WWOX: variants seen among roughly 807,000 people sequenced by gnomAD.
The protein encoded by WWOX is WW domain containing oxidoreductase, also known as WW domain-containing oxidoreductase.
In WWOX, 69 loss-of-function variants were observed where a neutral mutation model predicts 46.2. The observed-to-expected ratio is 1.49, with a 90% CI of 1.23 to 1.82. WWOX has a LOEUF of 1.82. Among genes scored for constraint, WWOX ranks in the 40% most tolerant of loss-of-function variants. The pLI is 0.00. For synonymous variants in WWOX, 359 were observed against 202.6 expected (o/e 1.77, Z -6.56); for missense variants, 919 against 542.6 (o/e 1.69, Z -6.89).
chr16:79,155,543 G>T (rs2050364660), intron 8 of WWOX, among the ~76,000 whole-genome samples: 1 of 151,816 alleles, frequency 6.6e-6, no homozygotes, highest in Non-Finnish European at 1.5e-5. Context: ...TAAAAAAACA[G>T]CAGGAAAAAC....
At chr16:78,345,368 C>G (rs1468195271) in intron 5 of WWOX, among the ~76,000 whole-genome samples, 2 of 102,490 alleles carry the variant, frequency 2.0e-5, no homozygotes, top group East Asian at 2.1e-4. Context: ...TACCTTTAAT[C>G]CCAGCACTTT....
intron 4 of WWOX, among the ~76,000 whole-genome samples, chr16:78,130,849 C>T (rs150105331): frequency 6.6e-6 from 1 of 152,366 alleles, no homozygotes; most frequent in East Asian, 1.9e-4. Context: ...ATGCAGTCAG[C>T]TTCACTGAAT....
intron 5 of WWOX, among the ~76,000 whole-genome samples, chr16:78,317,393 G>A (rs987133612): frequency 6.6e-6 from 1 of 152,150 alleles, no homozygotes; most frequent in South Asian, 2.1e-4. Flanking sequence ...ACTGGATACT[G>A]CATCTAGCAG....
intron 8 of WWOX, among the ~76,000 whole-genome samples, chr16:78,642,693 C>T (rs941803864): frequency 3.9e-5 from 6 of 152,070 alleles, no homozygotes; most frequent in African/African-American, 9.7e-5. Context: ...GTTCCCACCT[C>T]GACCGCTATG....
At chr16:79,114,304 T>C (rs560403917) in intron 8 of WWOX, among the ~76,000 whole-genome samples, 1 of 151,986 alleles carries the variant, frequency 6.6e-6, no homozygotes. Context: ...TGGATTAAGA[T>C]GGAGCCTCAA....
At chr16:78,508,002 G>A (rs1221483966) in intron 8 of WWOX, among the ~76,000 whole-genome samples, 2 of 28,146 alleles carry the variant, frequency 7.1e-5, no homozygotes, top group Admixed American at 9.8e-4. Flanking sequence ...GCGTGCGTGT[G>A]TGTGTGTGTG....
At chr16:79,010,087 C>T (rs1171306456) in intron 8 of WWOX, among the ~76,000 whole-genome samples, 1 of 152,202 alleles carries the variant, frequency 6.6e-6, no homozygotes, top group African/African-American at 2.4e-5. Flanking sequence ...GCTGCTCACC[C>T]ACCATGTCCC....
rs186374133 is a variant in WWOX, at chr16:78,753,999, A to G, written c.1056+321247A>G. ...CCATCTCAAGAAAAGAGATATGCCA[A>G]AGAGAATGATTATTAAATTATCATT... On this transcript the variant is annotated intron_variant, in intron 8 of 8. Coordinates refer to ENST00000566780, the MANE Select transcript of WWOX (RefSeq NM_016373.4). 3.4e-3 allele frequency among the ~76,000 whole-genome samples: 510 copies of G among 151,580 alleles called. 4 individuals are homozygous for G. The highest frequency in any genetic ancestry group is 0.017 in the Middle Eastern group (5 of 288).
At chr16:78,650,973 A>G (rs2046953387) in intron 8 of WWOX, among the ~76,000 whole-genome samples, 1 of 152,246 alleles carries the variant, frequency 6.6e-6, no homozygotes, top group African/African-American at 2.4e-5. Flanking sequence ...ATTCTCCTTA[A>G]CAGAGGGATT....
intron 5 of WWOX, among the ~76,000 whole-genome samples, chr16:78,301,101 G>A (rs1189943343): frequency 6.6e-6 from 1 of 152,094 alleles, no homozygotes; most frequent in African/African-American, 2.4e-5. Flanking sequence ...ACTTTGGCTG[G>A]CATCTCCTAA....
chr16:78,604,208 G>A lies in WWOX; in HGVS notation c.1056+171456G>A, dbSNP rs536444569. ...CACAAATTCAGATGCATGTGGATGG[G>A]CCCAAAATACTTTGTTTACATGTAC... On this transcript the variant is annotated intron_variant, in intron 8 of 8. Transcript: ENST00000566780. Among the ~76,000 whole-genome samples the A allele has an allele frequency of 3.9e-5, 6 of 152,096 alleles. No homozygotes were observed. In the East Asian group the frequency reaches 9.7e-4, roughly 25 times the overall value.
intron 8 of WWOX, among the ~76,000 whole-genome samples, chr16:79,191,869 G>T (rs562812631): frequency 6.6e-6 from 1 of 152,112 alleles, no homozygotes; most frequent in East Asian, 1.9e-4. Flanking sequence ...TTACTTATGC[G>T]CATAAGTAGT....
intron 8 of WWOX, among the ~76,000 whole-genome samples, chr16:78,448,297 T>C (rs1319122313): frequency 6.6e-6 from 1 of 152,162 alleles, no homozygotes; most frequent in Non-Finnish European, 1.5e-5. Context: ...CAGAAATTAA[T>C]AAAACTCTAT....
intron 8 of WWOX, among the ~76,000 whole-genome samples, chr16:78,753,006 C>T (rs1281194347): frequency 6.6e-6 from 1 of 152,106 alleles, no homozygotes; most frequent in African/African-American, 2.4e-5. Context: ...TTTCAGTAAT[C>T]TCTTAGGGCT....
chr16:78,552,812 C>G (rs1015638015), intron 8 of WWOX: 6 of 152,140 alleles, frequency 3.9e-5, no homozygotes, highest in African/African-American at 1.2e-4. Flanking sequence ...TCTGTTTTAA[C>G]AGGTTTTATT....
At chr16:78,601,446 A>AT (rs986304612) in intron 8 of WWOX, among the ~76,000 whole-genome samples, 7 of 151,242 alleles carry the variant, frequency 4.6e-5, no homozygotes, top group African/African-American at 1.7e-4. Flanking sequence ...AGAGAGAAAA[A>AT]AAAAAAAGAA....
At chr16:78,829,676 A>T (rs998791451) in intron 8 of WWOX, among the ~76,000 whole-genome samples, 2 of 152,136 alleles carry the variant, frequency 1.3e-5, no homozygotes, top group East Asian at 1.9e-4. Context: ...TTAGAAAGTC[A>T]TGTCTCATTC....
At chr16:78,352,557 G>C (rs7500418) in intron 5 of WWOX, among the ~76,000 whole-genome samples, 1 of 151,910 alleles carries the variant, frequency 6.6e-6, no homozygotes, top group Non-Finnish European at 1.5e-5. Flanking sequence ...TCTCTCTTCT[G>C]CTTCTGCTTT....
At chr16:78,819,123 T>C (rs1026782007) in intron 8 of WWOX, among the ~76,000 whole-genome samples, 4 of 152,194 alleles carry the variant, frequency 2.6e-5, no homozygotes, top group African/African-American at 9.7e-5. Flanking sequence ...TCTTCTGCAC[T>C]CTTTCTCAGT....
Sources: allele counts gnomAD v4.1 joint callset (sites outside exome capture counted in the v4.1 genomes callset), GRCh38; gene constraint gnomAD v4.1.1; transcripts MANE v1.5; gene names NCBI Gene and HGNC (gene_info 2026-07-23, HGNC 2026-07-21).